Variants in EPB41L3 observed in about 807,000 individuals in gnomAD.
EPB41L3 encodes erythrocyte membrane protein band 4.1 like 3, also known as band 4.1-like protein 3.
EPB41L3 carries 57 observed loss-of-function variants against 127.1 expected under a neutral mutation model. That is an observed-to-expected ratio of 0.45 (90% CI 0.36 to 0.56). The LOEUF is 0.56. EPB41L3 is among the 20% of genes least tolerant of loss of function. The pLI, the probability that EPB41L3 is intolerant of heterozygous loss-of-function variation, is 0.00. For synonymous variants in EPB41L3, 572 were observed against 549.5 expected (o/e 1.04, Z -0.57); for missense variants, 1,273 against 1,372.2 (o/e 0.93, Z 1.14).
intron 3 of EPB41L3, among the ~76,000 whole-genome samples, chr18:5,583,505 C>T (rs1462303895): frequency 1.3e-5 from 2 of 152,182 alleles, no homozygotes; most frequent in African/African-American, 2.4e-5. Context: ...CTTTTCAGAA[C>T]ATTATCTGGA....
chr18:5,449,936 A>C (rs1247263056), intron 3 of EPB41L3, among the ~76,000 whole-genome samples: 1 of 152,244 alleles, frequency 6.6e-6, no homozygotes, highest in Non-Finnish European at 1.5e-5. Context: ...GAATAATTAC[A>C]AAATATACTG....
Position 5,424,322 on chromosome 18 carries a change from G to A in EPB41L3, c.1103C>T (p.Pro368Leu). 3 of 1,607,032 alleles carry A rather than the reference G, an allele frequency of 1.9e-6. No individual in the cohort carries two copies. The highest frequency in any genetic ancestry group is 2.5e-6 in the Non-Finnish European group (3 of 1,176,772). The change falls in exon 10 of 23, where the codon CCA becomes CTA. Residue 368 changes from proline (P) to leucine (L), a missense_variant. Transcript: ENST00000341928. The part of the protein sequence containing the change: ...QFESTIGFKL[P>L]NHRAAKRLWK... ...TAAACGCTTGGCAGCTCGATGGTTT[G>A]GCAGCTTAAACCCAATGGTGCTTTC... is the stretch of plus-strand genomic sequence containing the variant.
rs1295850318 is a variant in EPB41L3, at chr18:5,509,236, C to G, written c.-11-20042G>C. ...GGCCAGCCCCCATGGCAGAGGAGGG[C>G]TCAGGACCTCACCTGGCCCAAACAA... On this transcript the variant is annotated intron_variant, in intron 1 of 22. Transcript: ENST00000341928. Among the ~76,000 whole-genome samples the G allele has an allele frequency of 3.9e-5, 6 of 152,160 alleles. No homozygotes were observed. In the East Asian group the frequency reaches 9.6e-4, roughly 24 times the overall value.
rs376357839 is a variant in EPB41L3, at chr18:5,496,931, G to A, written c.-11-7737C>T. Reference sequence around the variant, plus strand: ...TGGAGGAGGAAAAGAAATAAAAAGTGTCAGAGATAGATGCTGTTAAATAAC... The same window carrying A: ...TGGAGGAGGAAAAGAAATAAAAAGTATCAGAGATAGATGCTGTTAAATAAC... On this transcript the variant is annotated intron_variant, in intron 1 of 22. Coordinates refer to ENST00000341928, the MANE Select transcript of EPB41L3 (RefSeq NM_012307.5). 3.3e-5 allele frequency among the ~76,000 whole-genome samples: 5 copies of A among 152,348 alleles called. No homozygotes were observed. The South Asian group carries it at 1.0e-3, about 32-fold the overall frequency.
intron 1 of EPB41L3, among the ~76,000 whole-genome samples, chr18:5,529,282 T>C (rs2093335580): frequency 6.6e-6 from 1 of 151,976 alleles, no homozygotes; most frequent in Admixed American, 6.6e-5. Context: ...TATACTTCTT[T>C]AAAAAATAAA....
chr18:5,428,521 G>A, intron 8 of EPB41L3, 56 bp from the exon 9 acceptor site: 3 of 1,597,956 alleles, frequency 1.9e-6, no homozygotes, highest in Admixed American at 1.7e-5. Flanking sequence ...TCCATTTTCT[G>A]CTGGGTAAAG....
At chr18:5,396,393 T>A (rs2073470881) in intron 18 of EPB41L3, 61 bp from the exon 19 acceptor site, 6 of 1,598,378 alleles carry the variant, frequency 3.8e-6, no homozygotes, top group African/African-American at 1.3e-5. Flanking sequence ...ATTGTTTTCT[T>A]CCTTTTCCTC....
At chr18:5,485,356 T>G (rs2089552059) in intron 2 of EPB41L3, among the ~76,000 whole-genome samples, 1 of 151,954 alleles carries the variant, frequency 6.6e-6, no homozygotes, top group Non-Finnish European at 1.5e-5. Flanking sequence ...CCCGAAATAA[T>G]ACACACCATA....
chr18:5,624,508 T>A (rs535505170), intron 1 of EPB41L3, among the ~76,000 whole-genome samples: 1 of 152,346 alleles, frequency 6.6e-6, no homozygotes, highest in East Asian at 1.9e-4. Context: ...AAATTATTCA[T>A]GAAATTAGGC....
At position 5,598,095 on chromosome 18, in the gene EPB41L3, G is replaced by A. The variant is rs2094554302; in HGVS notation, c.-306+14245C>T. On this transcript the variant is annotated intron_variant, in intron 3 of 21. Coordinates refer to the EPB41L3 transcript ENST00000545076. The stretch of plus-strand genomic sequence containing the variant: ...AGGCCTCATCTTACTTATACCAGCA[G>A]TTCTCCAACTGAGGCCCAGGAACCC... Among the ~76,000 whole-genome samples, 5 of 152,274 alleles carry A rather than the reference G, an allele frequency of 3.3e-5. 1 individual carries two copies. The highest frequency in any genetic ancestry group is 6.8e-3 in the Middle Eastern group (2 of 294).
chr18:5,466,145 C>G (rs2147294117), intron 3 of EPB41L3, among the ~76,000 whole-genome samples: 1 of 152,286 alleles, frequency 6.6e-6, no homozygotes, highest in South Asian at 2.1e-4. Context: ...CAGATTTTCC[C>G]TTACTCCTCT....
chr18:5,572,872 C>T (rs1178678623), intron 3 of EPB41L3, among the ~76,000 whole-genome samples: 5 of 152,198 alleles, frequency 3.3e-5, no homozygotes, highest in African/African-American at 1.2e-4. Flanking sequence ...CTGTATCTGT[C>T]AGCTCTTCTG....
intron 2 of EPB41L3, among the ~76,000 whole-genome samples, chr18:5,488,159 A>G (rs991881900): frequency 6.6e-6 from 1 of 152,208 alleles, no homozygotes; most frequent in African/African-American, 2.4e-5. Flanking sequence ...TACAGGGAAA[A>G]AGAGTTGAAA....
chr18:5,428,071 TTAAAA>T (rs1204778839), intron 9 of EPB41L3, among the ~76,000 whole-genome samples: 2 of 152,110 alleles, frequency 1.3e-5, no homozygotes, highest in Non-Finnish European at 2.9e-5. Flanking sequence ...GGATTTTATA[TTAAAA>T]TATGTTTTTA....
At chr18:5,441,712 T>C (rs11081194) in intron 5 of EPB41L3, among the ~76,000 whole-genome samples, 90,143 of 150,272 alleles carry the variant, frequency 0.6, 28,572 homozygotes, top group Non-Finnish European at 0.7. Flanking sequence ...GATCCGCCCG[T>C]CTCGGCCTCC....
chr18:5,556,176 C>T (rs2094032708), intron 3 of EPB41L3, among the ~76,000 whole-genome samples: 1 of 152,182 alleles, frequency 6.6e-6, no homozygotes, highest in South Asian at 2.1e-4. Context: ...CAGGACAGTA[C>T]ATAATGGTTA....
chr18:5,398,587 GA>G (rs2073981539), intron 16 of EPB41L3: 3 of 401,810 alleles, frequency 7.5e-6, no homozygotes, highest in Non-Finnish European at 8.8e-6. Context: ...GGTGGAAGGG[GA>G]CTGCCTCAAA....
chr18:5,499,721 C>T (rs139245055), intron 1 of EPB41L3, among the ~76,000 whole-genome samples: 1,626 of 151,762 alleles, frequency 0.011, 11 homozygotes, highest in Non-Finnish European at 0.017. Flanking sequence ...GAGCCCAGAT[C>T]GCACCACTGC....
At chr18:5,553,996 C>G (rs964709803) in intron 3 of EPB41L3, among the ~76,000 whole-genome samples, 5 of 152,244 alleles carry the variant, frequency 3.3e-5, no homozygotes, top group African/African-American at 1.2e-4. Flanking sequence ...CAGGTGCACT[C>G]TCACCGTCAG....
Sources: allele counts gnomAD v4.1 joint callset (sites outside exome capture counted in the v4.1 genomes callset), GRCh38; gene constraint gnomAD v4.1.1; transcripts MANE v1.5; gene names NCBI Gene and HGNC (gene_info 2026-07-23, HGNC 2026-07-21).